Variants in MICAL3 observed in about 807,000 individuals in gnomAD.
The protein encoded by MICAL3 is microtubule associated monooxygenase, calponin and LIM domain containing 3.
In MICAL3, 62 loss-of-function variants were observed where a neutral mutation model predicts 207.4. The observed-to-expected ratio is 0.30, with a 90% CI of 0.24 to 0.37. The LOEUF is 0.37. MICAL3 is among the 10% of genes least tolerant of loss of function. The pLI is 1.00. For missense variants in MICAL3, 2,368 were observed against 2,635.6 expected, an observed-to-expected ratio of 0.90 and a Z score of 2.22; for synonymous variants, 1,077 against 1,069.3, an observed-to-expected ratio of 1.01 and a Z score of -0.14.
At chr22:17,827,325 C>T (rs560658041) in intron 22 of MICAL3, among the ~76,000 whole-genome samples, 1 of 152,050 alleles carries the variant, frequency 6.6e-6, no homozygotes, top group Admixed American at 6.5e-5. Context: ...GAACGTTTTA[C>T]GAAGTGAGGA....
chr22:17,920,473 C>T (rs905857162), intron 1 of MICAL3, among the ~76,000 whole-genome samples: 2 of 152,188 alleles, frequency 1.3e-5, no homozygotes, highest in South Asian at 2.1e-4. Flanking sequence ...CAGGCTCAGA[C>T]GCGTTCCGGT....
chr22:17,888,983 G>C (rs1930170220), intron 13 of MICAL3, 51 bp downstream of exon 13: 2 of 1,340,864 alleles, frequency 1.5e-6, no homozygotes, highest in Non-Finnish European at 2.1e-6. Context: ...AGAACAGCCG[G>C]GCCACAGCAC....
At chr22:17,961,428 G>A (rs892341927) in intron 1 of MICAL3, among the ~76,000 whole-genome samples, 2 of 152,134 alleles carry the variant, frequency 1.3e-5, no homozygotes, top group Non-Finnish European at 2.9e-5. Flanking sequence ...GACACCTAGT[G>A]GAGGCCCCTT....
chr22:17,877,608 G>GTGAGGGAGGTT (rs1928986136), intron 16 of MICAL3, among the ~76,000 whole-genome samples: 1 of 151,618 alleles, frequency 6.6e-6, no homozygotes, highest in African/African-American at 2.4e-5. Flanking sequence ...GGTTATGGAG[G>GTGAGGGAGGTT]ATGGCAGCAG....
At chr22:17,865,861 C>A in intron 18 of MICAL3, 63 bp downstream of exon 18, 1 of 1,414,752 alleles carries the variant, frequency 7.1e-7, no homozygotes, top group South Asian at 1.2e-5. Flanking sequence ...CCGCCCCCGG[C>A]CCATAGCCAC....
chr22:17,868,294 C>T (rs1365825764), intron 17 of MICAL3, among the ~76,000 whole-genome samples: 5 of 151,518 alleles, frequency 3.3e-5, no homozygotes, highest in Non-Finnish European at 5.9e-5. Context: ...AAACTCAACA[C>T]GATGGCACTT....
chr22:17,960,356 A>G (rs888168229), intron 1 of MICAL3, among the ~76,000 whole-genome samples: 18 of 152,350 alleles, frequency 1.2e-4, no homozygotes, highest in South Asian at 4.1e-4. Context: ...CTAGGACATA[A>G]TGGATGCAGA....
chr22:17,817,906 C>T lies in MICAL3; in HGVS notation c.4755G>A (p.Val1585=). Residue 1585 remains valine (V), a synonymous_variant, in exon 26 of 32, where the codon GTG becomes GTA. Coordinates refer to ENST00000441493, the MANE Select transcript of MICAL3 (RefSeq NM_015241.3). ...LQPQKRGLPL[V]SAEAKELAEE... Reference sequence around the variant, plus strand: ...CGGCCAACTCCTTGGCTTCCGCGGACACCAAGGGCAGCCCCCTCTTCTGTG... The same window carrying T: ...CGGCCAACTCCTTGGCTTCCGCGGATACCAAGGGCAGCCCCCTCTTCTGTG... 1 of 1,612,484 alleles carries T rather than the reference C, an allele frequency of 6.2e-7. No individual in the cohort carries two copies. The highest frequency in any genetic ancestry group is 8.5e-7 in the Non-Finnish European group (1 of 1,179,782).
chr22:18,003,782 T>A (rs1249516898), intron 1 of MICAL3, among the ~76,000 whole-genome samples: 1 of 152,076 alleles, frequency 6.6e-6, no homozygotes, highest in Non-Finnish European at 1.5e-5. Context: ...TTTATTTTTT[T>A]TTTTTTAAGA....
In MICAL3 at chr22:17,827,644, C is replaced by T; in HGVS notation, c.3193G>A (p.Ala1065Thr). 1.3e-6 allele frequency: 2 copies of T among 1,562,404 alleles called. No homozygotes were observed. Among genetic ancestry groups the T allele is most frequent in the Non-Finnish European group, 8.7e-7 (1 of 1,153,722 alleles). Residue 1065 changes from alanine (A) to threonine (T), a missense_variant and splice_region_variant, in exon 22 of 32, where the codon GCC becomes ACC. Around this residue, in one of 4 missense-constraint regions of MICAL3, gnomAD observed 1,770 missense variants for 1,863.2 expected, o/e 0.95. Coordinates refer to ENST00000441493, the MANE Select transcript of MICAL3 (RefSeq NM_015241.3). Reference sequence around the variant, plus strand: ...GCGGCCTGGGGCTGGGAGTGTTTACCTCCGGAAGCAGAGGACTCAGAGGCC... The same window carrying T: ...GCGGCCTGGGGCTGGGAGTGTTTACTTCCGGAAGCAGAGGACTCAGAGGCC... The part of the protein sequence containing the change: ...APASESSASG[A>T]PLDENDLEED...
At chr22:17,820,485 G>C (rs947446239) in intron 25 of MICAL3, among the ~76,000 whole-genome samples, 4 of 152,174 alleles carry the variant, frequency 2.6e-5, no homozygotes, top group African/African-American at 9.7e-5. Context: ...CTCCTGAGTA[G>C]CTGGGACTAC....
intron 1 of MICAL3, among the ~76,000 whole-genome samples, chr22:17,928,786 C>A (rs1418735306): frequency 2.0e-5 from 3 of 152,142 alleles, no homozygotes; most frequent in African/African-American, 7.2e-5. Flanking sequence ...TGACAAATGA[C>A]TGGCACCCTT....
intron 1 of MICAL3, among the ~76,000 whole-genome samples, chr22:17,998,488 T>G (rs1922557640): frequency 6.6e-6 from 1 of 151,646 alleles, no homozygotes; most frequent in Non-Finnish European, 1.5e-5. Context: ...ATGAAAAAGC[T>G]TTCACTTCCT....
chr22:17,797,001 C>T (rs973555183), intron 29 of MICAL3, among the ~76,000 whole-genome samples: 5 of 152,182 alleles, frequency 3.3e-5, no homozygotes, highest in Non-Finnish European at 5.9e-5. Flanking sequence ...AACCAAGACT[C>T]TTCACCTTGG....
rs112196422 is a variant in MICAL3, at chr22:17,940,318, T to C, written c.-74-33432A>G. 5.8e-3 allele frequency among the ~76,000 whole-genome samples: 886 copies of C among 152,262 alleles called. 1 individual carries two copies. Among genetic ancestry groups the C allele is most frequent in the Admixed American group, 9.3e-3 (142 of 15,294 alleles). On this transcript the variant is annotated intron_variant, in intron 1 of 31. Transcript: ENST00000441493. ...TACTCAGGGGGCTGAGGTGGGAGGATTGCTTGAGCCCAGGGGATCAATGCT... is the reference window on the plus strand; with the variant it reads ...TACTCAGGGGGCTGAGGTGGGAGGACTGCTTGAGCCCAGGGGATCAATGCT...
intron 16 of MICAL3, among the ~76,000 whole-genome samples, chr22:17,880,832 G>A (rs1322212335): frequency 1.3e-5 from 2 of 152,196 alleles, no homozygotes; most frequent in Non-Finnish European, 2.9e-5. Flanking sequence ...GTGCCCGAAG[G>A]CCTTACTCCA....
chr22:17,980,067 G>T (rs968869189), intron 1 of MICAL3, among the ~76,000 whole-genome samples: 4 of 152,082 alleles, frequency 2.6e-5, no homozygotes, highest in African/African-American at 7.2e-5. Flanking sequence ...GGGCTCAAGT[G>T]ATCCTCCCAC....
At chr22:17,821,635 T>C in intron 24 of MICAL3, 126 bp from the exon 25 acceptor site, 1 of 758,262 alleles carries the variant, frequency 1.3e-6, no homozygotes, top group South Asian at 1.7e-5. Context: ...CGGCTCCCAG[T>C]TCTCCTGGAA....
intron 19 of MICAL3, among the ~76,000 whole-genome samples, chr22:17,847,099 G>T (rs1452497735): frequency 6.6e-6 from 1 of 152,066 alleles, no homozygotes; most frequent in African/African-American, 2.4e-5. Context: ...TAAGAGGCAG[G>T]GTCTTCCCAG....
Sources: gnomAD v4.1 joint callset for allele counts (sites outside exome capture counted in the v4.1 genomes callset) on GRCh38, gnomAD v4.1.1 for gene constraint, gnomAD v4.1.1 regional missense constraint, MANE v1.5 for transcripts, NCBI Gene and HGNC (gene_info 2026-07-23, HGNC 2026-07-21) for gene names.